The following MPZL1 variants were observed in gnomAD, a reference collection of about 807,000 sequenced individuals.
MPZL1 encodes the protein myelin protein zero-like protein 1.
In MPZL1, 16 loss-of-function variants were observed where a neutral mutation model predicts 29.3. That is an observed-to-expected ratio of 0.55 (90% CI 0.37 to 0.83). MPZL1 has a LOEUF of 0.83. Among genes scored for constraint, MPZL1 ranks in the 40% least tolerant of loss-of-function variants. The pLI is 0.00. For synonymous variants in MPZL1, 143 were observed against 132.0 expected (o/e 1.08, Z -0.57); for missense variants, 279 against 332.9 (o/e 0.84, Z 1.26).
chr1:167,772,270 TGCAG>T lies in MPZL1; in HGVS notation c.259-4_259-1del, dbSNP rs1242367133. ...AGTTCATGTGTTCCTTTTTTCTAAT[TGCAG>T]TTTTTCCACTACTCCCAAGGGCAAG... On this transcript the variant is annotated splice_acceptor_variant and splice_polypyrimidine_tract_variant and intron_variant, in intron 2 of 5. Coordinates refer to ENST00000359523, the MANE Select transcript of MPZL1 (RefSeq NM_003953.6). LOFTEE classifies it high-confidence loss of function. 1.2e-6 allele frequency: 2 copies of T among 1,606,874 alleles called. No homozygotes were observed. Among genetic ancestry groups the T allele is most frequent in the Admixed American group, 1.7e-5 (1 of 59,828 alleles).
In MPZL1 at chr1:167,788,746, C is replaced by T. The variant is rs1661642875; in HGVS notation, c.*825C>T. ...GTTTTATTCTTTGCTGATGTCCTTT[C>T]TGCTTGAAATAACAGTCACCATACA... is the stretch of plus-strand genomic sequence containing the variant. On this transcript the variant is annotated 3_prime_UTR_variant, in exon 6 of 6. Transcript: ENST00000359523. 6.6e-6 allele frequency: 1 copy of T among 152,118 alleles called. No homozygotes were observed. 9.4% of individuals were successfully genotyped at this position (152,118 alleles called of 1,614,324 possible). A position where few individuals can be genotyped will look rare whatever the true frequency, so the allele number is the denominator to read the frequency against.
intron 1 of MPZL1, among the ~76,000 whole-genome samples, chr1:167,738,026 C>T (rs192357428): frequency 5.6e-4 from 85 of 152,186 alleles, no homozygotes; most frequent in Admixed American, 5.2e-3. Flanking sequence ...CCTGGGTTCA[C>T]GCCATTCTCC....
chr1:167,742,222 G>A (rs1232333215), intron 1 of MPZL1, among the ~76,000 whole-genome samples: 1 of 151,952 alleles, frequency 6.6e-6, no homozygotes, highest in African/African-American at 2.4e-5. Flanking sequence ...TAACCTGGGA[G>A]GCGGAGGTTG....
At chr1:167,752,303 G>T (rs899363328) in intron 1 of MPZL1, among the ~76,000 whole-genome samples, 1 of 152,046 alleles carries the variant, frequency 6.6e-6, no homozygotes, top group Non-Finnish European at 1.5e-5. Flanking sequence ...TGCTACTTCA[G>T]GGGGATGGTT....
intron 1 of MPZL1, among the ~76,000 whole-genome samples, chr1:167,748,472 T>G (rs1293933794): frequency 6.6e-6 from 1 of 152,252 alleles, no homozygotes; most frequent in Non-Finnish European, 1.5e-5. Context: ...TTACCCATTT[T>G]TAAATTGTTT....
At chr1:167,728,727 A>G (rs1439640493) in intron 1 of MPZL1, among the ~76,000 whole-genome samples, 3 of 152,204 alleles carry the variant, frequency 2.0e-5, no homozygotes, top group African/African-American at 7.2e-5. Context: ...TTGTAGCAAC[A>G]GTGATACACT....
Position 167,789,821 on chromosome 1 carries a change from C to G in MPZL1, c.*1900C>G, listed in dbSNP as rs1661670948. On this transcript the variant is annotated 3_prime_UTR_variant, in exon 6 of 6. Transcript: ENST00000359523. ...CCAAGAGAGTGACACACAGTGCTGGCCCTGAGACATTTCCACAAAGTGGTC... is the reference window on the plus strand; with the variant it reads ...CCAAGAGAGTGACACACAGTGCTGGGCCTGAGACATTTCCACAAAGTGGTC... The G allele has an allele frequency of 6.6e-6, 1 of 152,194 alleles. No homozygotes were observed. The highest frequency in any genetic ancestry group is 2.1e-4 in the South Asian group (1 of 4,822). The allele number at this position is 152,194 out of a possible 1,614,324, so 9.4% of individuals were successfully genotyped here.
chr1:167,743,980 A>G (rs780431239), intron 1 of MPZL1, among the ~76,000 whole-genome samples: 24 of 151,996 alleles, frequency 1.6e-4, no homozygotes, highest in Admixed American at 1.3e-4. Flanking sequence ...TCTTTGTCCT[A>G]TTCCAGTTCT....
chr1:167,787,748 T>G (rs1285175168), intron 5 of MPZL1, 72 bp from the exon 6 acceptor site: 1 of 1,123,780 alleles, frequency 8.9e-7, no homozygotes, highest in Non-Finnish European at 1.3e-6. Context: ...CGTTAATCAT[T>G]GCTTCTATGC....
rs10666527 is a variant in MPZL1, at chr1:167,778,523, AGGATGGATGGAT to A, written c.708+2390_708+2401del. On this transcript the variant is annotated intron_variant, in intron 5 of 5. Transcript: ENST00000359523. ...ATAGATGGGTGGAAAGAAGGAAGGA[AGGATGGATGGAT>A]GGATGGATGGATGGATGGATGGATG... 1.3e-3 allele frequency among the ~76,000 whole-genome samples: 197 copies of A among 147,340 alleles called. No individual in the cohort carries two copies. The East Asian group carries it at 0.019, about 14-fold the overall frequency.
chr1:167,771,204 T>C (rs955258644), intron 2 of MPZL1, among the ~76,000 whole-genome samples: 3 of 152,142 alleles, frequency 2.0e-5, no homozygotes, highest in South Asian at 4.1e-4. Context: ...TCTTAACGAG[T>C]ATGCTGCCTT....
At chr1:167,758,266 A>G (rs1176467204) in intron 1 of MPZL1, among the ~76,000 whole-genome samples, 4 of 152,134 alleles carry the variant, frequency 2.6e-5, no homozygotes, top group South Asian at 2.1e-4. Flanking sequence ...ATCCCTGCCT[A>G]TGTTCCCTGC....
chr1:167,778,044 C>G (rs879466702), intron 5 of MPZL1, among the ~76,000 whole-genome samples: 1 of 152,208 alleles, frequency 6.6e-6, no homozygotes, highest in Non-Finnish European at 1.5e-5. Context: ...CAGGCATGGC[C>G]TGGTGCGGTG....
intron 2 of MPZL1, among the ~76,000 whole-genome samples, chr1:167,768,305 C>T (rs1398779809): frequency 2.0e-5 from 3 of 152,114 alleles, no homozygotes; most frequent in Non-Finnish European, 4.4e-5. Flanking sequence ...AGTAAAAATG[C>T]TTTGTGCTTT....
intron 2 of MPZL1, among the ~76,000 whole-genome samples, chr1:167,766,869 A>G (rs1163352608): frequency 6.6e-6 from 1 of 152,228 alleles, no homozygotes; most frequent in Non-Finnish European, 1.5e-5. Context: ...TCAGGTAGAA[A>G]AATCTGCTAA....
chr1:167,764,674 A>T (rs1262666890), intron 1 of MPZL1, among the ~76,000 whole-genome samples: 1 of 152,218 alleles, frequency 6.6e-6, no homozygotes, highest in Non-Finnish European at 1.5e-5. Context: ...AAGCATGAGA[A>T]CTACTTAAAG....
At chr1:167,768,690 C>T (rs1661172597) in intron 2 of MPZL1, among the ~76,000 whole-genome samples, 1 of 152,198 alleles carries the variant, frequency 6.6e-6, no homozygotes, top group African/African-American at 2.4e-5. Flanking sequence ...CTATGTAGTT[C>T]CTGCTGTGTC....
Position 167,773,255 on chromosome 1 carries a change from A to G in MPZL1, c.492A>G (p.Pro164=), listed in dbSNP as rs1278302071. 1.9e-6 allele frequency: 3 copies of G among 1,613,294 alleles called. No homozygotes were observed. The South Asian group carries it at 3.3e-5, about 18-fold the overall frequency. The stretch of plus-strand genomic sequence containing the variant: ...CTCTAGAGAATTTGCCTGTGTTTCC[A>G]GTTTGGGTAGTGGTGGGCATAGTTA... ...VVEKENLPVF[P]VWVVVGIVTA... The change falls in exon 4 of 6, where the codon CCA becomes CCG. Residue 164 remains proline (P), a synonymous_variant. Coordinates refer to ENST00000359523, the MANE Select transcript of MPZL1 (RefSeq NM_003953.6).
intron 1 of MPZL1, among the ~76,000 whole-genome samples, chr1:167,733,034 G>A (rs1461345732): frequency 6.6e-6 from 1 of 152,234 alleles, no homozygotes; most frequent in African/African-American, 2.4e-5. Flanking sequence ...GGAATTGATT[G>A]AAGGGTCCTG....
Sources: allele counts gnomAD v4.1 joint callset (sites outside exome capture counted in the v4.1 genomes callset), GRCh38; gene constraint gnomAD v4.1.1; transcripts MANE v1.5; gene names NCBI Gene and HGNC (gene_info 2026-07-23, HGNC 2026-07-21).